Variants in ZNF891 observed in about 807,000 individuals in gnomAD.
The protein encoded by ZNF891 is zinc finger protein 891.
For synonymous variants in ZNF891, 199 were observed against 209.0 expected, an observed-to-expected ratio of 0.95 and a Z score of 0.41; for missense variants, 589 against 632.7, an observed-to-expected ratio of 0.93 and a Z score of 0.74.
rs1955538886 is a variant in ZNF891 at position 133,105,072 on chromosome 12, CATTT to C, written c.*15208_*15211del. On this transcript the variant is annotated 3_prime_UTR_variant, in exon 2 of 2. Coordinates refer to ENST00000537226, the MANE Select transcript of ZNF891 (RefSeq NM_001277291.2). ...TTTTCAGAGAAACCGCTTTTTTTTTCATTTAGATTATTATAAGATGTTCCAGAGG... is the reference window on the plus strand; with the variant it reads ...TTTTCAGAGAAACCGCTTTTTTTTTCAGATTATTATAAGATGTTCCAGAGG... Among the ~76,000 whole-genome samples, 2 of 151,506 alleles carry C rather than the reference CATTT, an allele frequency of 1.3e-5. No individual in the cohort carries two copies. Among genetic ancestry groups the C allele is most frequent in the South Asian group, 4.2e-4 (2 of 4,816 alleles).
rs913251269 is a variant in ZNF891, at chr12:133,113,087, T to C, written c.*7197A>G. ...AAATATATATATATATATTTATATT[T>C]ATTTATTAAAAATATATTTATAAAA... On this transcript the variant is annotated 3_prime_UTR_variant, in exon 2 of 2. Coordinates refer to ENST00000537226, the MANE Select transcript of ZNF891 (RefSeq NM_001277291.2). 6.1e-5 allele frequency: 9 copies of C among 147,668 alleles called. No homozygotes were observed. The highest frequency in any genetic ancestry group is 2.2e-4 in the African/African-American group (9 of 40,822). 9.1% of individuals were successfully genotyped at this position (147,668 alleles called of 1,614,324 possible).
rs1346474956 is a variant in ZNF891, at chr12:133,120,750, G to C, written c.1169C>G (p.Ser390Cys). Residue 390 changes from serine to cysteine, a missense_variant, in exon 2 of 2, where the codon TCC becomes TGC. Ser to Cys is a moderately radical substitution (Grantham distance 112, BLOSUM62 -1). Coordinates refer to ENST00000537226, the MANE Select transcript of ZNF891 (RefSeq NM_001277291.2). ...GTGAGTTCTCATGTGAGCCTTAAGGGATGTTTTTTGACTGAAAGCTTTTCC... is the reference window on the plus strand; with the variant it reads ...GTGAGTTCTCATGTGAGCCTTAAGGCATGTTTTTTGACTGAAAGCTTTTCC... ...QCGKAFSQKT[S>C]LKAHMRTHTG... 1 of 1,567,252 alleles carries C rather than the reference G, an allele frequency of 6.4e-7. No individual in the cohort carries two copies. The highest frequency in any genetic ancestry group is 8.6e-7 in the Non-Finnish European group (1 of 1,156,934).
At chr12:133,125,792 A>C (rs1955809508) in intron 1 of ZNF891, 1 of 483,194 alleles carries the variant, frequency 2.1e-6, no homozygotes, top group African/African-American at 2.0e-5. Flanking sequence ...AACAAGCACC[A>C]GGTCAACATG....
At chr12:133,122,290 T>C (rs1593827880) in intron 1 of ZNF891, 1 of 961,032 alleles carries the variant, frequency 1.0e-6, no homozygotes, top group African/African-American at 1.8e-5. Context: ...TTTTTAAAAA[T>C]GTAAACTAAA....
intron 1 of ZNF891, among the ~76,000 whole-genome samples, chr12:133,127,318 G>A (rs1276908815): frequency 6.6e-6 from 1 of 152,028 alleles, no homozygotes; most frequent in Non-Finnish European, 1.5e-5. Context: ...ATCCATCAAA[G>A]CAAGTAATTT....
intron 1 of ZNF891, among the ~76,000 whole-genome samples, chr12:133,124,410 T>C (rs571714984): frequency 2.0e-5 from 3 of 152,190 alleles, no homozygotes; most frequent in East Asian, 3.9e-4. Flanking sequence ...ATATAATGAA[T>C]GATTGTTTTT....
chr12:133,105,830 G>A lies in ZNF891; in HGVS notation c.*14454C>T, dbSNP rs1356622230. On this transcript the variant is annotated 3_prime_UTR_variant, in exon 2 of 2. Coordinates refer to ENST00000537226, the MANE Select transcript of ZNF891 (RefSeq NM_001277291.2). ...GGTGTTACACCAGAGGACTCATACT[G>A]GAGAGAAACCATATGCATGTAAGGA... is the stretch of plus-strand genomic sequence containing the variant. 6.8e-6 allele frequency: 11 copies of A among 1,614,038 alleles called. No homozygotes were observed. The highest frequency in any genetic ancestry group is 5.0e-5 in the Admixed American group (3 of 60,000).
chr12:133,122,893 C>G (rs887641626), intron 1 of ZNF891, among the ~76,000 whole-genome samples: 3 of 152,246 alleles, frequency 2.0e-5, no homozygotes, highest in African/African-American at 7.2e-5. Flanking sequence ...GAGTGAGGCA[C>G]TAACTATTAA....
chr12:133,126,577 G>A (rs1460615759), intron 1 of ZNF891, among the ~76,000 whole-genome samples: 3 of 151,080 alleles, frequency 2.0e-5, no homozygotes, highest in Admixed American at 6.6e-5. Flanking sequence ...TTTGGGAGCC[G>A]AGGTAGGCGA....
At position 133,110,423 on chromosome 12, in the gene ZNF891, C is replaced by G. The variant is rs189966998; in HGVS notation, c.*9861G>C. 1 of 152,312 alleles carries G rather than the reference C, an allele frequency of 6.6e-6. No homozygotes were observed. Among genetic ancestry groups the G allele is most frequent in the Admixed American group, 6.5e-5 (1 of 15,298 alleles). 9.4% of individuals were successfully genotyped at this position (152,312 alleles called of 1,614,324 possible). On this transcript the variant is annotated 3_prime_UTR_variant, in exon 2 of 2. Transcript: ENST00000537226. ...CTCCCAAAAGGTTATTAAAACTAAT[C>G]TTCAGCATTGGAAAAAGAAGTTACT...
In ZNF891 at chr12:133,123,582, C is replaced by T. The variant is rs567636343; in HGVS notation, c.-106-1558G>A. Among the ~76,000 whole-genome samples, 3 of 152,060 alleles carry T rather than the reference C, an allele frequency of 2.0e-5. No individual in the cohort carries two copies. The South Asian group carries it at 6.2e-4, about 32-fold the overall frequency. On this transcript the variant is annotated intron_variant, in intron 1 of 1. Coordinates refer to ENST00000537226, the MANE Select transcript of ZNF891 (RefSeq NM_001277291.2). Reference sequence around the variant, plus strand: ...TATTAGCCAACCATGGTGGCATGCGCCTGAAGCCCCAGCTACTCAGGAGGC... The same window carrying T: ...TATTAGCCAACCATGGTGGCATGCGTCTGAAGCCCCAGCTACTCAGGAGGC...
In ZNF891 at chr12:133,125,179, T is replaced by C. The variant is rs192181827; in HGVS notation, c.-106-3155A>G. On this transcript the variant is annotated intron_variant, in intron 1 of 1. Coordinates refer to ENST00000537226, the MANE Select transcript of ZNF891 (RefSeq NM_001277291.2). ...CACTGCCTATACATTAGTTACTTAT[T>C]TTTTAGAGACAGGGTGTCACTATAT... is the stretch of plus-strand genomic sequence containing the variant. Among the ~76,000 whole-genome samples, 770 of 142,614 alleles carry C rather than the reference T, an allele frequency of 5.4e-3. 9 individuals carry two copies. Among genetic ancestry groups the C allele is most frequent in the African/African-American group, 0.018 (743 of 41,026 alleles). 93.6% of individuals were successfully genotyped at this position (142,614 alleles called of 152,430 possible).
At chr12:133,123,815 T>C (rs1955788387) in intron 1 of ZNF891, among the ~76,000 whole-genome samples, 1 of 152,080 alleles carries the variant, frequency 6.6e-6, no homozygotes, top group African/African-American at 2.4e-5. Context: ...GTAAAAGATA[T>C]TAAGAATTGT....
chr12:133,110,744 G>T lies in ZNF891; in HGVS notation c.*9540C>A, dbSNP rs1369026128. On this transcript the variant is annotated 3_prime_UTR_variant, in exon 2 of 2. Coordinates refer to ENST00000537226, the MANE Select transcript of ZNF891 (RefSeq NM_001277291.2). ...GCAGGCAGATCACTTGAGGTCAAGA[G>T]TTTAAAATCAGCCTGGCCAACATGG... is the stretch of plus-strand genomic sequence containing the variant. The T allele has an allele frequency of 6.6e-6, 1 of 152,174 alleles. No homozygotes were observed. The highest frequency in any genetic ancestry group is 2.4e-5 in the African/African-American group (1 of 41,444). 9.4% of individuals were successfully genotyped at this position (152,174 alleles called of 1,614,324 possible). A position where few individuals can be genotyped will look rare whatever the true frequency, so the allele number is the denominator to read the frequency against.
rs556713356 is a variant in ZNF891, at chr12:133,115,593, T to C, written c.*4691A>G. ...TTCTCCTATGCATGTATTAGTTTTA[T>C]TATTAAAAACCACAAAGTTTTTGTT... is the stretch of plus-strand genomic sequence containing the variant. On this transcript the variant is annotated 3_prime_UTR_variant, in exon 2 of 2. Transcript: ENST00000537226. 2 of 152,246 alleles carry C rather than the reference T, an allele frequency of 1.3e-5. No individual in the cohort carries two copies. Among genetic ancestry groups the C allele is most frequent in the Non-Finnish European group, 2.9e-5 (2 of 68,018 alleles). The allele number at this position is 152,246 out of a possible 1,614,324, so 9.4% of individuals were successfully genotyped here.
In ZNF891 at chr12:133,120,745, T is replaced by C; in HGVS notation, c.1174A>G (p.Lys392Glu). 6.4e-7 allele frequency: 1 copy of C among 1,567,626 alleles called. No homozygotes were observed. The highest frequency in any genetic ancestry group is 8.6e-7 in the Non-Finnish European group (1 of 1,156,950). Reference sequence around the variant, plus strand: ...CCAGTGTGAGTTCTCATGTGAGCCTTAAGGGATGTTTTTTGACTGAAAGCT... The same window carrying C: ...CCAGTGTGAGTTCTCATGTGAGCCTCAAGGGATGTTTTTTGACTGAAAGCT... ...GKAFSQKTSL[K>E]AHMRTHTGEK... The change falls in exon 2 of 2, where the codon AAG becomes GAG. Residue 392 changes from lysine (K) to glutamate (E), a missense_variant. Physicochemically the swap from Lys to Glu is moderately conservative, Grantham distance 56. Transcript: ENST00000537226.
chr12:133,121,086 T>C lies in ZNF891; in HGVS notation c.833A>G (p.His278Arg), dbSNP rs759965787. The change falls in exon 2 of 2, where the codon CAT becomes CGT. Residue 278 changes from histidine (H) to arginine (R), a missense_variant. Transcript: ENST00000537226. ...TYSKHGMHFT[H>R]NMFPVPNNLH... ...ATTGTTAGGTACAGGAAACATATTA[T>C]GTGTGAAGTGCATTCCATGTTTAGA... 6.5e-6 allele frequency: 10 copies of C among 1,535,502 alleles called. No individual in the cohort carries two copies. The highest frequency in any genetic ancestry group is 1.7e-6 in the Non-Finnish European group (2 of 1,146,844).
At position 133,120,909 on chromosome 12, in the gene ZNF891, A is replaced by T; in HGVS notation, c.1010T>A (p.Leu337Ter). The T allele has an allele frequency of 6.5e-7, 1 of 1,537,720 alleles. No homozygotes were observed. The highest frequency in any genetic ancestry group is 8.7e-7 in the Non-Finnish European group (1 of 1,146,904). ...KAFKRISNLT[L>*]YKKSHMGEKQ... ...CTCACCCATGTGACTTTTCTTGTAT[A>T]AAGTAAGATTAGAAATCCTTTTGAA... The change falls in exon 2 of 2, where the codon TTA (leucine) becomes TAA (stop). Residue 337 changes from leucine (L) to a stop codon, truncating the protein, a stop_gained. Coordinates refer to ENST00000537226, the MANE Select transcript of ZNF891 (RefSeq NM_001277291.2). LOFTEE classifies it low-confidence loss of function (END_TRUNC).
Position 133,108,011 on chromosome 12 carries a change from T to C in ZNF891, c.*12273A>G, listed in dbSNP as rs897928388. The C allele has an allele frequency of 3.7e-4, 56 of 152,222 alleles. No individual in the cohort carries two copies. Among genetic ancestry groups the C allele is most frequent in the African/African-American group, 1.2e-3 (51 of 41,446 alleles). 9.4% of individuals were successfully genotyped at this position (152,222 alleles called of 1,614,324 possible). On this transcript the variant is annotated 3_prime_UTR_variant, in exon 2 of 2. Coordinates refer to ENST00000537226, the MANE Select transcript of ZNF891 (RefSeq NM_001277291.2). ...ACCTTATTTACATGTACTAGAGTTC[T>C]AAATACATTATCAGAAGTGTATTTC...
Sources: allele counts gnomAD v4.1 joint callset (sites outside exome capture counted in the v4.1 genomes callset), GRCh38; gene constraint gnomAD v4.1.1; transcripts MANE v1.5; gene names NCBI Gene and HGNC (gene_info 2026-07-23, HGNC 2026-07-21).